AFF4: variants seen among roughly 807,000 people sequenced by gnomAD.
AFF4 encodes the protein AF4/FMR2 family member 4.
AFF4 carries 13 observed loss-of-function variants against 124.8 expected under a neutral mutation model. The observed-to-expected ratio is 0.10, with a 90% CI of 0.07 to 0.17. The LOEUF (loss-of-function observed/expected upper bound fraction) is 0.17, where lower values mean the gene tolerates loss of function less well. Ranked by LOEUF, AFF4 falls within the 10% of genes least tolerant of loss-of-function variation. AFF4 has a pLI of 1.00. For missense variants in AFF4, 1,092 were observed against 1,403.8 expected, an observed-to-expected ratio of 0.78 and a Z score of 3.55; for synonymous variants, 477 against 496.1, an observed-to-expected ratio of 0.96 and a Z score of 0.51.
At chr5:132,932,247 T>G in intron 3 of AFF4, 25 bp from the exon 4 acceptor site, 1 of 1,592,108 alleles carries the variant, frequency 6.3e-7, no homozygotes, top group Non-Finnish European at 8.6e-7. Flanking sequence ...CAGCACACAT[T>G]AGATTTTTAT....
chr5:132,896,443 C>A lies in AFF4; in HGVS notation c.2187G>T (p.Lys729Asn). ...DLNLLTRIPG[K>N]PYKETEPPKG... ...TGGGCGGCTCTGTTTCTTTGTAAGG[C>A]TTTCCTGGTATTCTAGTCAAAAGAT... is the stretch of plus-strand genomic sequence containing the variant. The change falls in exon 11 of 21, where the codon AAG becomes AAT. Residue 729 changes from lysine to asparagine, a missense_variant. Coordinates refer to ENST00000265343, the MANE Select transcript of AFF4 (RefSeq NM_014423.4). 7 of 1,614,180 alleles carry A rather than the reference C, an allele frequency of 4.3e-6. No individual in the cohort carries two copies. The highest frequency in any genetic ancestry group is 5.9e-6 in the Non-Finnish European group (7 of 1,180,018).
At chr5:132,929,152 A>G (rs1325355478) in intron 4 of AFF4, among the ~76,000 whole-genome samples, 1 of 152,140 alleles carries the variant, frequency 6.6e-6, no homozygotes, top group East Asian at 1.9e-4. Flanking sequence ...ACATGAAGGG[A>G]ACACACACCT....
At chr5:132,931,464 T>A (rs1761298681) in intron 4 of AFF4, among the ~76,000 whole-genome samples, 1 of 152,040 alleles carries the variant, frequency 6.6e-6, no homozygotes, top group Non-Finnish European at 1.5e-5. Flanking sequence ...GAAGGAAATC[T>A]ATTACTGTAA....
At position 132,875,689 on chromosome 5, in the gene AFF4, C is replaced by T. The variant is rs1759822818; in HGVS notation, c.*5370G>A. On this transcript the variant is annotated 3_prime_UTR_variant, in exon 21 of 21. Coordinates refer to ENST00000265343, the MANE Select transcript of AFF4 (RefSeq NM_014423.4). ...ATAATACTTTGCTCACCATTAACAG[C>T]TTTATCGTGTGAAATGCACATACTG... 1 of 202,516 alleles carries T rather than the reference C, an allele frequency of 4.9e-6. No individual in the cohort carries two copies. The highest frequency in any genetic ancestry group is 1.0e-5 in the Non-Finnish European group (1 of 98,434). 12.5% of individuals were successfully genotyped at this position (202,516 alleles called of 1,614,324 possible).
Position 132,880,508 on chromosome 5 carries a change from G to A in AFF4, c.*551C>T. ...CTGTAAATTCCACAATAATAAAATT[G>A]GAGTTAAGATTTCAAATATCAGGTC... On this transcript the variant is annotated 3_prime_UTR_variant, in exon 21 of 21. Transcript: ENST00000265343. 2.5e-6 allele frequency: 1 copy of A among 396,084 alleles called. No individual in the cohort carries two copies. The highest frequency in any genetic ancestry group is 4.5e-6 in the Non-Finnish European group (1 of 224,718). The allele number at this position is 396,084 out of a possible 1,614,324, so 24.5% of individuals were successfully genotyped here.
intron 9 of AFF4, 97 bp from the exon 10 acceptor site, chr5:132,898,489 TC>T: frequency 1.5e-6 from 2 of 1,300,648 alleles, no homozygotes. Flanking sequence ...TTTCTTCTTG[TC>T]TTTTTTTTTT....
intron 1 of AFF4, among the ~76,000 whole-genome samples, chr5:132,962,500 ACT>A (rs1357782554): frequency 3.3e-5 from 5 of 152,178 alleles, no homozygotes; most frequent in Admixed American, 6.6e-5. Context: ...TGAAAATAAT[ACT>A]GTTTGTAAAC....
At chr5:132,932,740 G>C (rs565821868) in intron 3 of AFF4, among the ~76,000 whole-genome samples, 1 of 152,264 alleles carries the variant, frequency 6.6e-6, no homozygotes, top group South Asian at 2.1e-4. Context: ...AAGTATTACT[G>C]AAAGATTACT....
intron 1 of AFF4, among the ~76,000 whole-genome samples, chr5:132,949,288 C>T (rs1453125666): frequency 2.1e-5 from 3 of 145,054 alleles, no homozygotes; most frequent in African/African-American, 7.8e-5. Context: ...CTCAAGCAAT[C>T]CCCCTGCCAC....
chr5:132,937,253 T>C (rs981990650), intron 1 of AFF4, 60 bp from the exon 2 acceptor site: 2 of 1,500,310 alleles, frequency 1.3e-6, no homozygotes, highest in African/African-American at 1.4e-5. Context: ...AAATATTCTG[T>C]ACAGATTTTG....
chr5:132,931,405 G>T (rs892641013), intron 4 of AFF4, among the ~76,000 whole-genome samples: 3 of 152,048 alleles, frequency 2.0e-5, no homozygotes, highest in Non-Finnish European at 4.4e-5. Flanking sequence ...CTCCAGACTG[G>T]GTAACAGAGT....
chr5:132,920,620 G>A (rs905127307), intron 5 of AFF4, among the ~76,000 whole-genome samples: 6 of 151,958 alleles, frequency 3.9e-5, no homozygotes, highest in Admixed American at 1.3e-4. Flanking sequence ...CTCCCAAAGT[G>A]CTAGGATTAC....
intron 11 of AFF4, among the ~76,000 whole-genome samples, chr5:132,894,386 T>G (rs1760336530): frequency 6.6e-6 from 1 of 152,208 alleles, no homozygotes; most frequent in African/African-American, 2.4e-5. Context: ...TCAAAAAACT[T>G]TCTGATGGAA....
intron 1 of AFF4, among the ~76,000 whole-genome samples, chr5:132,950,491 ACAAG>A (rs1488372390): frequency 6.6e-6 from 1 of 151,018 alleles, no homozygotes; most frequent in Non-Finnish European, 1.5e-5. Context: ...AAATAAATAA[ACAAG>A]CAAGCAAGCT....
intron 2 of AFF4, among the ~76,000 whole-genome samples, chr5:132,936,372 A>G (rs188200238): frequency 2.0e-5 from 3 of 152,188 alleles, no homozygotes; most frequent in Non-Finnish European, 2.9e-5. Flanking sequence ...TCATAACTCA[A>G]TGTTATAGTT....
chr5:132,913,109 T>C (rs550762511), intron 5 of AFF4, among the ~76,000 whole-genome samples: 5 of 152,266 alleles, frequency 3.3e-5, no homozygotes, highest in Non-Finnish European at 7.3e-5. Context: ...AACTATACCA[T>C]GCTAACATTA....
In AFF4 at chr5:132,889,094, A is replaced by T; in HGVS notation, c.2717T>A (p.Leu906His). ...ATTATCTCACCTGTCATCAAAGACA[A>T]GCTTTGTTCTCCGAGGCTTAGAAGA... ...LDSSKPRRTK[L>H]VFDDRNYSAD... Residue 906 changes from leucine (L) to histidine (H), a missense_variant, in exon 14 of 21, where the codon CTT becomes CAT. By Grantham distance (99) the Leu-to-His change is moderately conservative (BLOSUM62 -3). This residue lies in a region of AFF4 where 293 missense variants were observed against 280.2 expected (regional missense o/e 1.05). Coordinates refer to ENST00000265343, the MANE Select transcript of AFF4 (RefSeq NM_014423.4). The T allele has an allele frequency of 6.2e-7, 1 of 1,613,184 alleles. No homozygotes were observed. Among genetic ancestry groups the T allele is most frequent in the Non-Finnish European group, 8.5e-7 (1 of 1,179,120 alleles).
rs2150059996 is a variant in AFF4, at chr5:132,879,344, A to G, written c.*1715T>C. 4.7e-6 allele frequency: 1 copy of G among 212,432 alleles called. No individual in the cohort carries two copies. Among genetic ancestry groups the G allele is most frequent in the South Asian group, 1.9e-4 (1 of 5,342 alleles). 13.2% of individuals were successfully genotyped at this position (212,432 alleles called of 1,614,324 possible). Reference sequence around the variant, plus strand: ...TTTCCTATTTCAAGCCTTAGCAATCATCTACAAATAGTAGGATAATCTTTT... The same window carrying G: ...TTTCCTATTTCAAGCCTTAGCAATCGTCTACAAATAGTAGGATAATCTTTT... On this transcript the variant is annotated 3_prime_UTR_variant, in exon 21 of 21. Transcript: ENST00000265343.
rs773865686 is a variant in AFF4, at chr5:132,897,257, T to A, written c.1390-17A>T. On this transcript the variant is annotated splice_polypyrimidine_tract_variant and intron_variant, in intron 10 of 20. Coordinates refer to ENST00000265343, the MANE Select transcript of AFF4 (RefSeq NM_014423.4). ...GGGTTCAGGCTGAAAAACAGAGAAA[T>A]ATGTATGCTTTTTTCGATACTGAAT... 6.2e-7 allele frequency: 1 copy of A among 1,602,168 alleles called. No homozygotes were observed. The highest frequency in any genetic ancestry group is 1.1e-5 in the South Asian group (1 of 89,940).
Sources: gnomAD v4.1 joint callset for allele counts (sites outside exome capture counted in the v4.1 genomes callset) on GRCh38, gnomAD v4.1.1 for gene constraint, gnomAD v4.1.1 regional missense constraint, MANE v1.5 for transcripts, NCBI Gene and HGNC (gene_info 2026-07-23, HGNC 2026-07-21) for gene names.